Variants in CCDC148 observed in about 807,000 individuals in gnomAD.
The protein encoded by CCDC148 is coiled-coil domain-containing protein 148.
Under a neutral mutation model 85.7 loss-of-function variants are expected in CCDC148, and 89 were observed. That is an observed-to-expected ratio of 1.04 (90% CI 0.87 to 1.24). The LOEUF is 1.24. Among genes scored for constraint, CCDC148 ranks in the 50% most tolerant of loss-of-function variants. The probability of loss-of-function intolerance (pLI) is 0.00; values close to 1 mark genes in which losing one functional copy is unlikely to be tolerated. For synonymous variants in CCDC148, 230 were observed against 213.9 expected (o/e 1.08, Z -0.66); for missense variants, 692 against 671.7 (o/e 1.03, Z -0.33).
At chr2:158,282,109 G>A (rs1199910011) in intron 9 of CCDC148, among the ~76,000 whole-genome samples, 1 of 151,306 alleles carries the variant, frequency 6.6e-6, no homozygotes, top group African/African-American at 2.4e-5. Flanking sequence ...AATAAATTAG[G>A]TATTGATGGG....
intron 9 of CCDC148, among the ~76,000 whole-genome samples, chr2:158,295,486 G>A (rs1256456183): frequency 6.6e-6 from 1 of 151,076 alleles, no homozygotes; most frequent in East Asian, 1.9e-4. Context: ...TAAAATACTG[G>A]CAAACTGAAT....
At chr2:158,404,838 A>C (rs1416166621) in intron 1 of CCDC148, among the ~76,000 whole-genome samples, 2 of 152,124 alleles carry the variant, frequency 1.3e-5, no homozygotes, top group Admixed American at 6.6e-5. Flanking sequence ...TTTCCAGCAA[A>C]TCAACCAATC....
At chr2:158,267,925 T>G (rs2105159481) in intron 9 of CCDC148, among the ~76,000 whole-genome samples, 1 of 152,278 alleles carries the variant, frequency 6.6e-6, no homozygotes, top group Admixed American at 6.5e-5. Flanking sequence ...GTATGAGTGG[T>G]TGATTCCTCT....
At chr2:158,336,219 T>C (rs1456477996) in intron 7 of CCDC148, among the ~76,000 whole-genome samples, 1 of 152,152 alleles carries the variant, frequency 6.6e-6, no homozygotes, top group Non-Finnish European at 1.5e-5. Context: ...ATTCATTGTC[T>C]TAGGTAGAAC....
chr2:158,382,041 A>T (rs187309172), intron 1 of CCDC148, among the ~76,000 whole-genome samples: 1 of 152,214 alleles, frequency 6.6e-6, no homozygotes, highest in Non-Finnish European at 1.5e-5. Flanking sequence ...TAGTGTCCTT[A>T]CAAAAGAAAT....
At chr2:158,189,054 G>A (rs1685293240) in intron 11 of CCDC148, among the ~76,000 whole-genome samples, 1 of 151,886 alleles carries the variant, frequency 6.6e-6, no homozygotes, top group Admixed American at 6.6e-5. Flanking sequence ...TCTCACACAG[G>A]TCAGAATGGC....
rs375922867 is a variant in CCDC148 at position 158,305,514 on chromosome 2, C to A, written c.1110+3919G>T. Among the ~76,000 whole-genome samples, 14 of 152,106 alleles carry A rather than the reference C, an allele frequency of 9.2e-5. 2 individuals carry two copies. The highest frequency in any genetic ancestry group is 6.5e-4 in the Admixed American group (10 of 15,284). ...CAATCTCCGTGCTTTGGGAAGCCAA[C>A]GCAGGAAGATTGCTTGAGGCCAGAA... is the stretch of plus-strand genomic sequence containing the variant. On this transcript the variant is annotated intron_variant, in intron 9 of 13. Coordinates refer to ENST00000283233, the MANE Select transcript of CCDC148 (RefSeq NM_138803.4).
intron 7 of CCDC148, among the ~76,000 whole-genome samples, chr2:158,314,248 G>T (rs1374571902): frequency 6.6e-6 from 1 of 152,062 alleles, no homozygotes; most frequent in African/African-American, 2.4e-5. Context: ...GATTAAAAAG[G>T]AATTTTATTT....
intron 1 of CCDC148, among the ~76,000 whole-genome samples, chr2:158,423,426 A>G (rs1370619547): frequency 6.6e-6 from 1 of 152,118 alleles, no homozygotes; most frequent in Non-Finnish European, 1.5e-5. Context: ...ATCTACAACC[A>G]CCTGATCTTT....
At chr2:158,203,263 G>A (rs113723850) in intron 11 of CCDC148, among the ~76,000 whole-genome samples, 36 of 152,180 alleles carry the variant, frequency 2.4e-4, no homozygotes, top group Non-Finnish European at 4.9e-4. Context: ...CAATAAAATG[G>A]GTTTGCTTTC....
At chr2:158,328,475 C>T (rs1023912509) in intron 7 of CCDC148, among the ~76,000 whole-genome samples, 22 of 152,204 alleles carry the variant, frequency 1.4e-4, no homozygotes, top group East Asian at 7.7e-4. Context: ...AATAAACATA[C>T]GTGTGCATGT....
chr2:158,299,516 T>C (rs879471664), intron 9 of CCDC148, among the ~76,000 whole-genome samples: 10 of 152,204 alleles, frequency 6.6e-5, no homozygotes, highest in Non-Finnish European at 1.3e-4. Flanking sequence ...TATTGAAAGA[T>C]GACCTCAAGA....
chr2:158,331,378 G>T (rs1347105439), intron 7 of CCDC148, among the ~76,000 whole-genome samples: 2 of 152,178 alleles, frequency 1.3e-5, no homozygotes, highest in Admixed American at 6.5e-5. Flanking sequence ...GAGATAGTTT[G>T]TTATAATTTC....
At chr2:158,413,483 G>C (rs751980327) in intron 1 of CCDC148, among the ~76,000 whole-genome samples, 2 of 151,994 alleles carry the variant, frequency 1.3e-5, no homozygotes, top group African/African-American at 2.4e-5. Flanking sequence ...ATAAATATTT[G>C]ATTATTATCT....
At chr2:158,293,008 T>C (rs764434647) in intron 9 of CCDC148, among the ~76,000 whole-genome samples, 35 of 152,276 alleles carry the variant, frequency 2.3e-4, no homozygotes, top group Non-Finnish European at 4.1e-4. Context: ...AGGATTGGTG[T>C]TAGGCATTAG....
chr2:158,361,721 T>C (rs1473449982), intron 1 of CCDC148, among the ~76,000 whole-genome samples: 1 of 152,110 alleles, frequency 6.6e-6, no homozygotes, highest in Non-Finnish European at 1.5e-5. Context: ...TGCAAACACG[T>C]AGCAAATTGT....
chr2:158,198,402 T>C (rs1228296211), intron 11 of CCDC148, among the ~76,000 whole-genome samples: 1 of 152,222 alleles, frequency 6.6e-6, no homozygotes, highest in African/African-American at 2.4e-5. Flanking sequence ...TTTTAAATAA[T>C]AGTATCACTG....
chr2:158,362,160 A>G (rs1683980453), intron 1 of CCDC148, among the ~76,000 whole-genome samples: 1 of 152,238 alleles, frequency 6.6e-6, no homozygotes, highest in Admixed American at 6.5e-5. Flanking sequence ...ATACAGGACC[A>G]CCCAGATTCA....
intron 9 of CCDC148, among the ~76,000 whole-genome samples, chr2:158,278,266 C>G (rs1046781572): frequency 5.3e-5 from 8 of 152,174 alleles, no homozygotes; most frequent in South Asian, 2.1e-4. Flanking sequence ...GAGTGCCAGA[C>G]AGTGGGTGCA....
Sources: gnomAD v4.1 joint callset for allele counts (sites outside exome capture counted in the v4.1 genomes callset) on GRCh38, gnomAD v4.1.1 for gene constraint, MANE v1.5 for transcripts, NCBI Gene and HGNC (gene_info 2026-07-23, HGNC 2026-07-21) for gene names.